The following RORA variants were observed in gnomAD, a reference collection of about 807,000 sequenced individuals.
RORA encodes RAR related orphan receptor A, also known as nuclear receptor ROR-alpha.
A neutral mutation model predicts 69.5 loss-of-function variants in RORA; 7 were observed. That is an observed-to-expected ratio of 0.10 (90% confidence interval 0.06 to 0.19). The LOEUF (loss-of-function observed/expected upper bound fraction) is 0.19. Ranked by LOEUF, RORA falls within the 10% of genes least tolerant of loss-of-function variation. The pLI is 1.00. For synonymous variants in RORA, 261 were observed against 240.8 expected (o/e 1.08, Z -0.78); for missense variants, 457 against 663.0 (o/e 0.69, Z 3.41).
chr15:61,130,153 T>C (rs922743765), intron 1 of RORA, among the ~76,000 whole-genome samples: 2 of 152,232 alleles, frequency 1.3e-5, no homozygotes, highest in Admixed American at 1.3e-4. Context: ...TATCTTTCCA[T>C]TGCTCTGAAA....
At chr15:60,507,801 G>C (rs2065560295) in intron 5 of RORA, among the ~76,000 whole-genome samples, 1 of 152,172 alleles carries the variant, frequency 6.6e-6, no homozygotes, top group South Asian at 2.1e-4. Context: ...GGATGCTGTG[G>C]AGTGAAGGAT....
intron 1 of RORA, among the ~76,000 whole-genome samples, chr15:61,186,126 C>G (rs766048871): frequency 2.6e-5 from 4 of 152,208 alleles, no homozygotes; most frequent in Non-Finnish European, 5.9e-5. Flanking sequence ...TTGAATTTAA[C>G]TATTTAACTG....
intron 1 of RORA, among the ~76,000 whole-genome samples, chr15:61,082,557 C>G (rs948490381): frequency 2.6e-5 from 4 of 152,140 alleles, no homozygotes; most frequent in Admixed American, 6.5e-5. Flanking sequence ...CCTGCCCCTA[C>G]AGAGGAGTGA....
rs200001621 is a variant in RORA at position 60,641,867 on chromosome 15, T to TA, written c.196+36789dup. Among the ~76,000 whole-genome samples, 105 of 149,304 alleles carry TA rather than the reference T, an allele frequency of 7.0e-4. 1 individual carries two copies. Among genetic ancestry groups the TA allele is most frequent in the South Asian group, 4.9e-3 (23 of 4,716 alleles). On this transcript the variant is annotated intron_variant, in intron 2 of 10. Transcript: ENST00000335670. ...GAGGCACTTCGGGTATCTGCTTTAA[T>TA]AAAAAAAAAATAAGGACTTATATTT...
At chr15:61,130,471 C>T (rs113199443) in intron 1 of RORA, among the ~76,000 whole-genome samples, 3,242 of 152,248 alleles carry the variant, frequency 0.021, 109 homozygotes, top group African/African-American at 0.072. Flanking sequence ...GCTTTGTGGA[C>T]GCACTGCCTT....
intron 2 of RORA, among the ~76,000 whole-genome samples, chr15:60,608,080 C>T (rs574927651): frequency 6.6e-6 from 1 of 152,350 alleles, no homozygotes; most frequent in Non-Finnish European, 1.5e-5. Flanking sequence ...GCCTCTCCAC[C>T]TGCCAGGCTA....
chr15:60,527,530 C>T (rs2066399937), intron 3 of RORA, among the ~76,000 whole-genome samples: 1 of 152,192 alleles, frequency 6.6e-6, no homozygotes, highest in Admixed American at 6.5e-5. Context: ...CGTTATGCCC[C>T]CTCATCATGC....
intron 2 of RORA, among the ~76,000 whole-genome samples, chr15:60,660,014 T>G (rs1338764559): frequency 2.0e-5 from 3 of 152,200 alleles, no homozygotes; most frequent in Non-Finnish European, 4.4e-5. Flanking sequence ...TATTAAAAAA[T>G]TATTTACTAT....
At chr15:60,572,423 C>T (rs2067909571) in intron 2 of RORA, among the ~76,000 whole-genome samples, 1 of 151,830 alleles carries the variant, frequency 6.6e-6, no homozygotes, top group African/African-American at 2.4e-5. Flanking sequence ...CCATAAGAAA[C>T]AGAGGGGTTA....
At chr15:60,738,079 T>C (rs79887249) in intron 1 of RORA, among the ~76,000 whole-genome samples, 4,187 of 151,934 alleles carry the variant, frequency 0.028, 211 homozygotes, top group African/African-American at 0.097. Context: ...AATGAGGGAG[T>C]CCAGACTTAA....
chr15:60,920,820 G>T (rs1436092545), intron 1 of RORA, among the ~76,000 whole-genome samples: 6 of 152,192 alleles, frequency 3.9e-5, no homozygotes, highest in Admixed American at 6.5e-5. Context: ...CTCTCTGTGA[G>T]ATGACTTTTG....
chr15:61,075,587 G>A (rs2078437087), intron 1 of RORA, among the ~76,000 whole-genome samples: 1 of 152,190 alleles, frequency 6.6e-6, no homozygotes, highest in Non-Finnish European at 1.5e-5. Context: ...TATCTCAACT[G>A]AGCAGAACAT....
At chr15:60,679,615 T>A (rs1404735163) in intron 1 of RORA, among the ~76,000 whole-genome samples, 1 of 152,130 alleles carries the variant, frequency 6.6e-6, no homozygotes, top group Non-Finnish European at 1.5e-5. Context: ...TTTTTTTTTC[T>A]TTCAAGTTAT....
At chr15:60,742,721 C>G (rs2071590807) in intron 1 of RORA, among the ~76,000 whole-genome samples, 1 of 152,136 alleles carries the variant, frequency 6.6e-6, no homozygotes, top group Admixed American at 6.5e-5. Flanking sequence ...TAAGTGAGAT[C>G]ATGTAGTATT....
At chr15:60,956,057 T>A (rs1893259601) in intron 1 of RORA, among the ~76,000 whole-genome samples, 1 of 152,234 alleles carries the variant, frequency 6.6e-6, no homozygotes, top group East Asian at 1.9e-4. Flanking sequence ...TCTGGTTAGA[T>A]AATTTCACCA....
chr15:60,813,783 A>G (rs946985085), intron 1 of RORA, among the ~76,000 whole-genome samples: 1 of 152,230 alleles, frequency 6.6e-6, no homozygotes, highest in Non-Finnish European at 1.5e-5. Context: ...GCCTTATTTT[A>G]TCTTTGAAAT....
intron 1 of RORA, among the ~76,000 whole-genome samples, chr15:61,016,937 T>A (rs1033070588): frequency 6.6e-6 from 1 of 152,196 alleles, no homozygotes; most frequent in Non-Finnish European, 1.5e-5. Context: ...CGAAGACGTA[T>A]GAATGAATAA....
At chr15:60,592,778 C>A in intron 2 of RORA, 1 of 790,922 alleles carries the variant, frequency 1.3e-6, no homozygotes, top group Non-Finnish European at 1.7e-6. Context: ...CTCGCCCGGG[C>A]GCCCGCCTTC....
At chr15:60,626,053 T>G (rs1040007687) in intron 2 of RORA, among the ~76,000 whole-genome samples, 1 of 152,250 alleles carries the variant, frequency 6.6e-6, no homozygotes, top group Non-Finnish European at 1.5e-5. Flanking sequence ...CTCAGCACGC[T>G]GCTGCCTCAG....
Sources: gnomAD v4.1 joint callset for allele counts (sites outside exome capture counted in the v4.1 genomes callset) on GRCh38, gnomAD v4.1.1 for gene constraint, MANE v1.5 for transcripts, NCBI Gene and HGNC (gene_info 2026-07-23, HGNC 2026-07-21) for gene names.